SERPINA12: variants seen among roughly 807,000 people sequenced by gnomAD.
SERPINA12 encodes serpin A12.
SERPINA12 carries 21 observed loss-of-function variants against 25.9 expected under a neutral mutation model. The observed-to-expected ratio is 0.81, with a 90% CI of 0.58 to 1.17. SERPINA12 has a LOEUF of 1.17. Ranked by LOEUF, SERPINA12 falls within the 50% of genes most tolerant of loss-of-function variation. The probability of loss-of-function intolerance (pLI) is 0.00; values close to 1 mark genes in which losing one functional copy is unlikely to be tolerated. For synonymous variants in SERPINA12, 220 were observed against 196.0 expected, an observed-to-expected ratio of 1.12 and a Z score of -1.02; for missense variants, 562 against 508.3, an observed-to-expected ratio of 1.11 and a Z score of -1.02.
upstream of SERPINA12, chr14:94,511,821 A>G (rs1419161180): frequency 1.5e-6 from 1 of 686,250 alleles, no homozygotes; most frequent in African/African-American, 1.9e-5. Context: ...GAAGGGACAG[A>G]CACTGGGGGG....
chr14:94,498,304 C>A lies in SERPINA12; in HGVS notation c.94G>T (p.Ala32Ser), dbSNP rs757308471. Residue 32 changes from alanine to serine, a missense_variant, in exon 2 of 5, where the codon GCT (alanine) becomes TCT (serine). By Grantham distance (99) the Ala-to-Ser change is moderately conservative (BLOSUM62 1). Coordinates refer to ENST00000677451, the MANE Select transcript of SERPINA12 (RefSeq NM_001382267.1). ...TTCCATCCTTGGACCTCGCTCAAAG[C>A]TTTATAATTCCTTGGTGAGAAGCTC... The part of the protein sequence containing the change: ...KPSFSPRNYK[A>S]LSEVQGWKQR... 1.9e-6 allele frequency: 3 copies of A among 1,614,204 alleles called. No homozygotes were observed. The highest frequency in any genetic ancestry group is 3.3e-4 in the Middle Eastern group (2 of 6,062).
At position 94,496,655 on chromosome 14, in the gene SERPINA12, G is replaced by A; in HGVS notation, c.635-12C>T. 6.2e-7 allele frequency: 1 copy of A among 1,611,716 alleles called. No individual in the cohort carries two copies. The highest frequency in any genetic ancestry group is 8.5e-7 in the Non-Finnish European group (1 of 1,178,880). ...ATGTTTCCACCTGGCTTAGATTGAA[G>A]AAAGACAAACAGACATGTTATCCCA... is the stretch of plus-strand genomic sequence containing the variant. On this transcript the variant is annotated splice_polypyrimidine_tract_variant and intron_variant, in intron 2 of 4. Coordinates refer to ENST00000677451, the MANE Select transcript of SERPINA12 (RefSeq NM_001382267.1).
At position 94,516,752 on chromosome 14, in the gene SERPINA12, C is replaced by A. The variant is rs1901246523; in HGVS notation, c.-352-598G>T. 2.0e-5 allele frequency among the ~76,000 whole-genome samples: 3 copies of A among 152,224 alleles called. No homozygotes were observed. The South Asian group carries it at 6.2e-4, about 32-fold the overall frequency. ...CCCCAAGACCTATTGCCTTTGCACTCTCTGACCCCAGGTCCTAATTCCAAG... is the reference window on the plus strand; with the variant it reads ...CCCCAAGACCTATTGCCTTTGCACTATCTGACCCCAGGTCCTAATTCCAAG... On this transcript the variant is annotated intron_variant, in intron 1 of 5. Coordinates refer to the SERPINA12 transcript ENST00000341228.
chr14:94,509,245 C>A (rs539199904), intron 1 of SERPINA12, among the ~76,000 whole-genome samples, 97 bp downstream of exon 1: 1 of 150,090 alleles, frequency 6.7e-6, no homozygotes, highest in African/African-American at 2.4e-5. Context: ...TCACCTTGGC[C>A]CTTGGTTGTC....
At chr14:94,507,852 A>T (rs1036435558) in intron 1 of SERPINA12, among the ~76,000 whole-genome samples, 2 of 152,248 alleles carry the variant, frequency 1.3e-5, no homozygotes, top group African/African-American at 4.8e-5. Flanking sequence ...TATGCCCAAC[A>T]GGAAATGAGT....
In SERPINA12 at chr14:94,498,006, T is replaced by C; in HGVS notation, c.392A>G (p.Lys131Arg). 6.2e-7 allele frequency: 1 copy of C among 1,614,152 alleles called. No individual in the cohort carries two copies. The highest frequency in any genetic ancestry group is 1.1e-5 in the South Asian group (1 of 91,080). Residue 131 changes from lysine (K) to arginine (R), a missense_variant, in exon 2 of 5, where the codon AAA (lysine) becomes AGA (arginine). Coordinates refer to ENST00000677451, the MANE Select transcript of SERPINA12 (RefSeq NM_001382267.1). ...GAACAGCGTGTTCCCAATGCTCAGTTTGAGGTCCTGGGTCTTCTGGGTCAG... is the reference window on the plus strand; with the variant it reads ...GAACAGCGTGTTCCCAATGCTCAGTCTGAGGTCCTGGGTCTTCTGGGTCAG... ...HELTQKTQDL[K>R]LSIGNTLFID...
intron 1 of SERPINA12, among the ~76,000 whole-genome samples, chr14:94,500,477 G>T (rs1900669186): frequency 6.6e-6 from 1 of 152,150 alleles, no homozygotes; most frequent in African/African-American, 2.4e-5. Flanking sequence ...TCCTGCTACT[G>T]GTTGGTTCAG....
intron 1 of SERPINA12, among the ~76,000 whole-genome samples, chr14:94,501,734 C>T (rs1208855997): frequency 1.3e-5 from 2 of 150,442 alleles, no homozygotes; most frequent in Admixed American, 1.3e-4. Flanking sequence ...CACCCTCCCA[C>T]CTCAGCATGC....
At chr14:94,501,536 T>C (rs990647048) in intron 1 of SERPINA12, among the ~76,000 whole-genome samples, 1 of 152,206 alleles carries the variant, frequency 6.6e-6, no homozygotes, top group Non-Finnish European at 1.5e-5. Flanking sequence ...TTGTTAGGTG[T>C]TTTGATGCAA....
intron 3 of SERPINA12, among the ~76,000 whole-genome samples, chr14:94,491,017 A>C (rs940902752): frequency 6.6e-6 from 1 of 152,152 alleles, no homozygotes; most frequent in Admixed American, 6.5e-5. Context: ...TCAGTCTCAC[A>C]GCTTTGAATA....
intron 2 of SERPINA12, among the ~76,000 whole-genome samples, chr14:94,514,911 A>T (rs1252527083): frequency 6.6e-6 from 1 of 152,200 alleles, no homozygotes; most frequent in African/African-American, 2.4e-5. Flanking sequence ...GTGGGAGAAC[A>T]GGCAATGAAT....
chr14:94,497,716 T>C, intron 2 of SERPINA12, 48 bp downstream of exon 2: 1 of 1,536,474 alleles, frequency 6.5e-7, no homozygotes, highest in African/African-American at 1.4e-5. Flanking sequence ...TTAACCCAAG[T>C]CTAGTGGTCA....
Position 94,498,299 on chromosome 14 carries a change from C to T in SERPINA12, c.99G>A (p.Leu33=). The T allele has an allele frequency of 6.2e-7, 1 of 1,614,202 alleles. No individual in the cohort carries two copies. Among genetic ancestry groups the T allele is most frequent in the Non-Finnish European group, 8.5e-7 (1 of 1,180,044 alleles). The change falls in exon 2 of 5, where the codon TTG becomes TTA. Residue 33 remains leucine (L), a synonymous_variant. Coordinates refer to ENST00000677451, the MANE Select transcript of SERPINA12 (RefSeq NM_001382267.1). ...TTTGCTTCCATCCTTGGACCTCGCT[C>T]AAAGCTTTATAATTCCTTGGTGAGA... ...PSFSPRNYKA[L]SEVQGWKQRM... is the part of the protein sequence containing the mutation.
intron 1 of SERPINA12, among the ~76,000 whole-genome samples, chr14:94,500,739 G>A (rs777047090): frequency 5.9e-5 from 9 of 152,202 alleles, no homozygotes; most frequent in Non-Finnish European, 8.8e-5. Flanking sequence ...ATGCATCCAA[G>A]GGCTCTTAAG....
intron 3 of SERPINA12, among the ~76,000 whole-genome samples, chr14:94,496,165 C>T (rs940700720): frequency 2.6e-5 from 4 of 152,164 alleles, no homozygotes; most frequent in East Asian, 1.9e-4. Flanking sequence ...CCATCTACTG[C>T]GCCCTCACAG....
chr14:94,500,770 T>C (rs1900683448), intron 1 of SERPINA12: 1 of 737,456 alleles, frequency 1.4e-6, no homozygotes, highest in African/African-American at 1.9e-5. Flanking sequence ...GCTGGGTCCA[T>C]GGAAAAAGCT....
chr14:94,498,211 G>C lies in SERPINA12; in HGVS notation c.187C>G (p.Leu63Val), dbSNP rs1408651716. 6.2e-7 allele frequency: 1 copy of C among 1,614,112 alleles called. No homozygotes were observed. Among genetic ancestry groups the C allele is most frequent in the African/African-American group, 1.3e-5 (1 of 74,942 alleles). The part of the protein sequence containing the change: ...MDLGFKLLKK[L>V]AFYNPGRNIF... ...TTCCTGCCAGGGTTGTAAAAGGCCA[G>C]CTTCTTGAGCAGCTTAAAGCCTAAG... Residue 63 changes from leucine (L) to valine (V), a missense_variant, in exon 2 of 5, where the codon CTG (leucine) becomes GTG (valine). By Grantham distance (32) the Leu-to-Val change is conservative. Transcript: ENST00000677451.
upstream of SERPINA12, among the ~76,000 whole-genome samples, chr14:94,513,994 C>T: frequency 6.6e-6 from 1 of 152,076 alleles, no homozygotes; most frequent in Non-Finnish European, 1.5e-5. Flanking sequence ...CAGCATGGTG[C>T]GGGCCTAGAC....
chr14:94,503,721 C>T (rs7158935), intron 1 of SERPINA12, among the ~76,000 whole-genome samples: 14,164 of 152,242 alleles, frequency 0.093, 968 homozygotes, highest in African/African-American at 0.18. Flanking sequence ...CAGGCTGCTT[C>T]GCCTCACTTT....
Sources: gnomAD v4.1 joint callset for allele counts (sites outside exome capture counted in the v4.1 genomes callset) on GRCh38, gnomAD v4.1.1 for gene constraint, MANE v1.5 for transcripts, NCBI Gene and HGNC (gene_info 2026-07-23, HGNC 2026-07-21) for gene names.